Variants in NCOA5 observed in about 807,000 individuals in gnomAD.
NCOA5 encodes the protein nuclear receptor coactivator 5.
Under a neutral mutation model 59.0 loss-of-function variants are expected in NCOA5, and 12 were observed. That is an observed-to-expected ratio of 0.20 (90% CI 0.13 to 0.33). The LOEUF is 0.33. NCOA5 is among the 10% of genes least tolerant of loss of function. NCOA5 has a pLI of 1.00. For missense variants in NCOA5, 655 were observed against 766.6 expected (o/e 0.85, Z 1.72); for synonymous variants, 270 against 275.5 (o/e 0.98, Z 0.20).
Position 46,062,023 on chromosome 20 carries a change from C to A in NCOA5, c.*277G>T. On this transcript the variant is annotated 3_prime_UTR_variant, in exon 8 of 8. Transcript: ENST00000290231. ...AGTAGAAACAGGGACCGGAGAAACC[C>A]CATCAAATACAAGCCCAGACACCTG... 1 of 277,626 alleles carries A rather than the reference C, an allele frequency of 3.6e-6. No individual in the cohort carries two copies. Among genetic ancestry groups the A allele is most frequent in the Non-Finnish European group, 6.8e-6 (1 of 147,194 alleles). The allele number at this position is 277,626 out of a possible 1,614,324, so 17.2% of individuals were successfully genotyped here.
At chr20:46,088,114 A>C (rs1013618640) in intron 1 of NCOA5, among the ~76,000 whole-genome samples, 1 of 152,208 alleles carries the variant, frequency 6.6e-6, no homozygotes, top group Non-Finnish European at 1.5e-5. Flanking sequence ...ACATTCACAT[A>C]AACAGATCTT....
At chr20:46,072,404 G>A (rs994356497) in intron 2 of NCOA5, among the ~76,000 whole-genome samples, 8 of 152,072 alleles carry the variant, frequency 5.3e-5, no homozygotes, top group African/African-American at 1.2e-4. Flanking sequence ...GTGGGATCAC[G>A]GAACACTACA....
intron 2 of NCOA5, among the ~76,000 whole-genome samples, chr20:46,071,060 T>C (rs1383064752): frequency 6.6e-6 from 1 of 151,816 alleles, no homozygotes; most frequent in African/African-American, 2.4e-5. Context: ...TGTTTCTCTG[T>C]TTTGTCAGGG....
chr20:46,064,301 G>A (rs185629692), intron 6 of NCOA5, among the ~76,000 whole-genome samples: 1 of 152,344 alleles, frequency 6.6e-6, no homozygotes, highest in East Asian at 1.9e-4. Context: ...GTATGGTTAT[G>A]AGGGTAATGG....
intron 4 of NCOA5, among the ~76,000 whole-genome samples, chr20:46,067,785 C>G (rs6074007): frequency 6.6e-6 from 1 of 151,930 alleles, no homozygotes; most frequent in Non-Finnish European, 1.5e-5. Context: ...TTGCCTTCAT[C>G]TAAAAAAGAG....
At position 46,063,524 on chromosome 20, in the gene NCOA5, C is replaced by T. The variant is rs1468252667; in HGVS notation, c.986G>A (p.Gly329Asp). The change falls in exon 7 of 8, where the codon GGC (glycine) becomes GAC (aspartate). Residue 329 changes from glycine (G) to aspartate (D), a missense_variant. Transcript: ENST00000290231. ...EAILQERERGGPEEGVRGGHP... is the reference protein window; with the variant it reads ...EAILQERERGDPEEGVRGGHP... ...GCCCCCACGCACTCCCTCCTCAGGG[C>T]CTCCTCTCTCTCTTTCCTGCAGGAT... 3.1e-6 allele frequency: 5 copies of T among 1,614,158 alleles called. No homozygotes were observed. Among genetic ancestry groups the T allele is most frequent in the Non-Finnish European group, 4.2e-6 (5 of 1,179,988 alleles).
intron 5 of NCOA5, 83 bp from the exon 6 acceptor site, chr20:46,065,311 T>C (rs1600617444): frequency 1.5e-6 from 2 of 1,335,208 alleles, no homozygotes; most frequent in East Asian, 2.3e-5. Flanking sequence ...GTGTTCCTAC[T>C]GATAACTCAA....
chr20:46,073,631 T>G (rs1186624668), intron 2 of NCOA5, among the ~76,000 whole-genome samples: 2 of 152,184 alleles, frequency 1.3e-5, no homozygotes, highest in African/African-American at 4.8e-5. Flanking sequence ...CAATTTCAAG[T>G]GTTCTTGGCA....
intron 1 of NCOA5, among the ~76,000 whole-genome samples, chr20:46,083,761 C>A (rs1357564341): frequency 6.6e-6 from 1 of 152,176 alleles, no homozygotes; most frequent in Non-Finnish European, 1.5e-5. Flanking sequence ...ACTGACAAGA[C>A]AGAGAATATC....
At chr20:46,085,380 A>C (rs77126761) in intron 1 of NCOA5, among the ~76,000 whole-genome samples, 4,140 of 152,154 alleles carry the variant, frequency 0.027, 180 homozygotes, top group African/African-American at 0.093. Context: ...AGATAATTAC[A>C]ATACAATCTA....
At chr20:46,074,522 C>G (rs2145540256) in intron 2 of NCOA5, among the ~76,000 whole-genome samples, 1 of 152,280 alleles carries the variant, frequency 6.6e-6, no homozygotes, top group Middle Eastern at 3.4e-3. Context: ...GCAAACACAA[C>G]TAAAATTCTG....
At chr20:46,079,497 AAAC>A (rs2145547456) in intron 1 of NCOA5, 44 bp from the exon 2 acceptor site, 1 of 1,444,726 alleles carries the variant, frequency 6.9e-7, no homozygotes, top group East Asian at 2.3e-5. Flanking sequence ...TACGGAATAA[AAAC>A]AAGATCATCA....
At chr20:46,070,687 T>C in intron 2 of NCOA5, 151 bp from the exon 3 acceptor site, 1 of 687,084 alleles carries the variant, frequency 1.5e-6, no homozygotes, top group East Asian at 2.7e-5. Context: ...AGGCCAGTCA[T>C]CCATCTGGTC....
chr20:46,068,333 A>G (rs1468726284), intron 4 of NCOA5, among the ~76,000 whole-genome samples, 169 bp downstream of exon 4: 1 of 152,222 alleles, frequency 6.6e-6, no homozygotes, highest in East Asian at 1.9e-4. Context: ...AATCATTTTC[A>G]AGCCAAATGC....
Position 46,070,409 on chromosome 20 carries a change from C to G in NCOA5, c.166G>C (p.Asp56His). ...RDARDSRDIR[D>H]PRDLRDHRHS... ...CTGTGGTCCCGCAAGTCTCGGGGGT[C>G]TCGAATGTCTCTGCTGTCCCGGGCA... Residue 56 changes from aspartate (D) to histidine (H), a missense_variant, in exon 3 of 8, where the codon GAC (aspartate) becomes CAC (histidine). Asp to His is a moderately conservative substitution (Grantham distance 81). Around this residue, in one of 3 missense-constraint regions of NCOA5, gnomAD observed 250 missense variants for 260.1 expected, o/e 0.96. Coordinates refer to ENST00000290231, the MANE Select transcript of NCOA5 (RefSeq NM_020967.3). 6.2e-7 allele frequency: 1 copy of G among 1,614,000 alleles called. No individual in the cohort carries two copies. Among genetic ancestry groups the G allele is most frequent in the Non-Finnish European group, 8.5e-7 (1 of 1,179,976 alleles).
At chr20:46,070,910 G>A (rs1389666715) in intron 2 of NCOA5, among the ~76,000 whole-genome samples, 5 of 152,086 alleles carry the variant, frequency 3.3e-5, no homozygotes, top group East Asian at 1.9e-4. Flanking sequence ...AAAAAAGAGC[G>A]AATGGCACAA....
intron 4 of NCOA5, among the ~76,000 whole-genome samples, chr20:46,067,934 CTCT>C: frequency 6.6e-6 from 1 of 151,322 alleles, no homozygotes; most frequent in South Asian, 2.1e-4. Flanking sequence ...GTTCATTTTT[CTCT>C]TTTTTTTTTT....
At chr20:46,084,288 C>T (rs2085024058) in intron 1 of NCOA5, among the ~76,000 whole-genome samples, 1 of 152,196 alleles carries the variant, frequency 6.6e-6, no homozygotes, top group Non-Finnish European at 1.5e-5. Context: ...CTTTCTTACA[C>T]CAAAGTACTT....
intron 2 of NCOA5, among the ~76,000 whole-genome samples, chr20:46,077,449 CATT>C: frequency 6.6e-6 from 1 of 152,160 alleles, no homozygotes. Context: ...GGTTAAGTAT[CATT>C]AACAGGATGA....
Sources: allele counts gnomAD v4.1 joint callset (sites outside exome capture counted in the v4.1 genomes callset), GRCh38; gene constraint gnomAD v4.1.1; regional missense constraint gnomAD v4.1.1; transcripts MANE v1.5; gene names NCBI Gene and HGNC (gene_info 2026-07-23, HGNC 2026-07-21).